The following RBFOX1 variants were observed in gnomAD, a reference collection of about 807,000 sequenced individuals.
RBFOX1 encodes RNA binding fox-1 homolog 1, also known as RNA binding protein fox-1 homolog 1.
A neutral mutation model predicts 57.7 loss-of-function variants in RBFOX1; 8 were observed. That is an observed-to-expected ratio of 0.14 (90% CI 0.08 to 0.25). RBFOX1 has a LOEUF of 0.25. RBFOX1 is among the 10% of genes least tolerant of loss of function. The pLI is 1.00. For missense variants in RBFOX1, 611 were observed against 548.5 expected (o/e 1.11, Z -1.14); for synonymous variants, 326 against 222.4 (o/e 1.47, Z -4.15).
At chr16:7,475,013 A>G (rs1456091586) in intron 4 of RBFOX1, among the ~76,000 whole-genome samples, 1 of 152,192 alleles carries the variant, frequency 6.6e-6, no homozygotes, top group African/African-American at 2.4e-5. Flanking sequence ...AGATGGTTCC[A>G]CACAATCCAG....
intron 3 of RBFOX1, among the ~76,000 whole-genome samples, chr16:5,736,257 T>G (rs1255472982): frequency 1.3e-5 from 2 of 152,300 alleles, no homozygotes; most frequent in Admixed American, 1.3e-4. Flanking sequence ...CCAGGACATC[T>G]GTTTTGGGAA....
chr16:5,703,181 A>T (rs1004351807), intron 3 of RBFOX1, among the ~76,000 whole-genome samples: 1 of 152,236 alleles, frequency 6.6e-6, no homozygotes, highest in Non-Finnish European at 1.5e-5. Context: ...CAACTTTGCT[A>T]TGAAAGAGGG....
chr16:7,048,223 TG>T lies in RBFOX1; in HGVS notation c.-15-3832del, dbSNP rs1293664913. On this transcript the variant is annotated intron_variant, in intron 3 of 15. Transcript: ENST00000550418. ...TTTTAAAAAAATTTAGTTATTTTTA[TG>T]GTTGTAAAATTTCCTTTTGATTTTT... 6.6e-5 allele frequency among the ~76,000 whole-genome samples: 10 copies of T among 151,574 alleles called. No homozygotes were observed. The East Asian group carries it at 2.0e-3, about 30-fold the overall frequency.
At chr16:6,847,773 C>A (rs748272855) in intron 3 of RBFOX1, among the ~76,000 whole-genome samples, 2 of 152,006 alleles carry the variant, frequency 1.3e-5, no homozygotes, top group Non-Finnish European at 2.9e-5. Flanking sequence ...TCACGTGTGG[C>A]TTAGAAATTA....
chr16:6,736,256 G>A (rs1300325027), intron 3 of RBFOX1, among the ~76,000 whole-genome samples: 2 of 152,050 alleles, frequency 1.3e-5, no homozygotes, highest in African/African-American at 2.4e-5. Context: ...GTGGTGATTT[G>A]TGAGATTTTG....
intron 5 of RBFOX1, among the ~76,000 whole-genome samples, chr16:7,533,298 T>C (rs1362579697): frequency 6.6e-6 from 1 of 152,160 alleles, no homozygotes; most frequent in Non-Finnish European, 1.5e-5. Context: ...AGAAAGAAAA[T>C]GAAAAATGTG....
intron 3 of RBFOX1, among the ~76,000 whole-genome samples, chr16:5,667,869 C>T (rs1307010661): frequency 6.6e-6 from 1 of 152,172 alleles, no homozygotes; most frequent in Non-Finnish European, 1.5e-5. Flanking sequence ...TGGGGATGAG[C>T]TTATTGATGC....
At chr16:6,670,368 A>G (rs1341720423) in intron 3 of RBFOX1, among the ~76,000 whole-genome samples, 1 of 152,124 alleles carries the variant, frequency 6.6e-6, no homozygotes, top group Non-Finnish European at 1.5e-5. Flanking sequence ...CTGCTCCCAG[A>G]CAAACATATG....
In RBFOX1 at chr16:7,030,491, A is replaced by G. The variant is rs180824480; in HGVS notation, c.-15-21566A>G. Among the ~76,000 whole-genome samples the G allele has an allele frequency of 1.3e-3, 197 of 152,186 alleles. 2 individuals are homozygous for G. The highest frequency in any genetic ancestry group is 1.4e-3 in the East Asian group (7 of 5,166). On this transcript the variant is annotated intron_variant, in intron 3 of 15. Transcript: ENST00000550418. The stretch of plus-strand genomic sequence containing the variant: ...GGTAGAATCCTTCCTTCCTTCTCCC[A>G]CCTTCCAGTGGCTCCAGGCGTTCCT...
At chr16:5,871,167 G>C (rs1226444534) in intron 4 of RBFOX1, among the ~76,000 whole-genome samples, 1 of 152,174 alleles carries the variant, frequency 6.6e-6, no homozygotes, top group African/African-American at 2.4e-5. Context: ...ATGAGCTATT[G>C]AGAAACGTTA....
chr16:5,881,772 C>G (rs371580048), intron 4 of RBFOX1, among the ~76,000 whole-genome samples: 9 of 152,172 alleles, frequency 5.9e-5, no homozygotes, highest in Non-Finnish European at 1.3e-4. Context: ...TTCATACGCA[C>G]TATTTCACTT....
At chr16:6,679,140 T>G (rs2058227946) in intron 3 of RBFOX1, among the ~76,000 whole-genome samples, 1 of 152,090 alleles carries the variant, frequency 6.6e-6, no homozygotes, top group African/African-American at 2.4e-5. Flanking sequence ...ATTTCACAAC[T>G]GAGGAACATT....
intron 1 of RBFOX1, among the ~76,000 whole-genome samples, chr16:6,118,800 T>G: frequency 7.1e-6 from 1 of 141,126 alleles, no homozygotes; most frequent in Non-Finnish European, 1.5e-5. Context: ...TCTCTCTCCT[T>G]CCTTCCTTCC....
intron 3 of RBFOX1, among the ~76,000 whole-genome samples, chr16:7,035,848 C>T (rs1169554221): frequency 1.3e-5 from 2 of 151,936 alleles, no homozygotes; most frequent in Non-Finnish European, 2.9e-5. Context: ...TCCAGCACTC[C>T]TTCCATTAAG....
chr16:6,562,808 A>C (rs942457570), intron 2 of RBFOX1, among the ~76,000 whole-genome samples: 1 of 143,816 alleles, frequency 7.0e-6, no homozygotes, highest in Non-Finnish European at 1.5e-5. Flanking sequence ...TGTGTAAGCA[A>C]CTGCAGGCCT....
At chr16:6,759,892 G>C (rs1397767927) in intron 3 of RBFOX1, among the ~76,000 whole-genome samples, 2 of 152,142 alleles carry the variant, frequency 1.3e-5, no homozygotes, top group African/African-American at 4.8e-5. Context: ...ATCAAGTATG[G>C]TATAAGGCTA....
At chr16:5,576,497 T>C (rs2046461691) in intron 2 of RBFOX1, among the ~76,000 whole-genome samples, 1 of 152,222 alleles carries the variant, frequency 6.6e-6, no homozygotes, top group Non-Finnish European at 1.5e-5. Context: ...TCTGTGTGTA[T>C]TGCAATTGCT....
intron 3 of RBFOX1, among the ~76,000 whole-genome samples, chr16:6,801,137 C>G (rs1249621626): frequency 6.7e-6 from 1 of 150,258 alleles, no homozygotes; most frequent in Non-Finnish European, 1.5e-5. Flanking sequence ...TTCTGATATG[C>G]TCCTAGGTGA....
chr16:5,542,191 A>T (rs894207600), intron 2 of RBFOX1, among the ~76,000 whole-genome samples: 1 of 151,054 alleles, frequency 6.6e-6, no homozygotes, highest in Non-Finnish European at 1.5e-5. Context: ...CTCCCCTTCT[A>T]TGCGCACTCA....
Sources: allele counts gnomAD v4.1 joint callset (sites outside exome capture counted in the v4.1 genomes callset), GRCh38; gene constraint gnomAD v4.1.1; transcripts MANE v1.5; gene names NCBI Gene and HGNC (gene_info 2026-07-23, HGNC 2026-07-21).